Variants in ADCYAP1R1 observed in about 807,000 individuals in gnomAD.
The protein encoded by ADCYAP1R1 is pituitary adenylate cyclase-activating polypeptide type I receptor.
In ADCYAP1R1, 44 loss-of-function variants were observed where a neutral mutation model predicts 67.6. The ratio of observed to expected loss-of-function variants is 0.65; its 90% CI spans 0.51 to 0.84. The LOEUF (loss-of-function observed/expected upper bound fraction) is 0.84, where lower values mean the gene tolerates loss of function less well. Ranked by LOEUF, ADCYAP1R1 falls within the 40% of genes least tolerant of loss-of-function variation. ADCYAP1R1 has a pLI of 0.00. For missense variants in ADCYAP1R1, 477 were observed against 587.9 expected, an observed-to-expected ratio of 0.81 and a Z score of 1.95; for synonymous variants, 222 against 219.6, an observed-to-expected ratio of 1.01 and a Z score of -0.10.
intron 1 of ADCYAP1R1, among the ~76,000 whole-genome samples, chr7:31,057,850 G>C (rs563890002): frequency 1.3e-5 from 2 of 152,320 alleles, no homozygotes; most frequent in East Asian, 3.9e-4. Flanking sequence ...GGGTAGGCGA[G>C]TGATGTACTT....
At chr7:31,071,997 A>G (rs1037297852) in intron 3 of ADCYAP1R1, among the ~76,000 whole-genome samples, 12 of 109,004 alleles carry the variant, frequency 1.1e-4, no homozygotes, top group African/African-American at 4.1e-4. Context: ...CCATCCATCC[A>G]TCCAGCCACC....
In ADCYAP1R1 at chr7:31,103,258, G is replaced by A; in HGVS notation, c.1068G>A (p.Leu356=). The A allele has an allele frequency of 6.2e-7, 1 of 1,614,120 alleles. No individual in the cohort carries two copies. The highest frequency in any genetic ancestry group is 8.5e-7 in the Non-Finnish European group (1 of 1,179,992). ...ACAGGCGACTGGCCCGGTCCACCCT[G>A]CTGCTCATCCCACTATTCGGAATCC... ...SIYLRLARST[L]LLIPLFGIHY... Residue 356 remains leucine (L), a synonymous_variant, in exon 14 of 16, where the codon CTG becomes CTA. Transcript: ENST00000304166.
chr7:31,100,162 G>T, intron 13 of ADCYAP1R1: 1 of 1,550,590 alleles, frequency 6.4e-7, no homozygotes, highest in Non-Finnish European at 8.7e-7. Flanking sequence ...AAGCCACAGC[G>T]GGCTCAGCAG....
Position 31,110,699 on chromosome 7 carries a change from G to A in ADCYAP1R1, c.*4015G>A, listed in dbSNP as rs968614149. The A allele has an allele frequency of 2.0e-5, 3 of 152,776 alleles. No individual in the cohort carries two copies. Among genetic ancestry groups the A allele is most frequent in the Admixed American group, 2.0e-4 (3 of 15,286 alleles). 9.5% of individuals were successfully genotyped at this position (152,776 alleles called of 1,614,324 possible). On this transcript the variant is annotated 3_prime_UTR_variant, in exon 16 of 16. Coordinates refer to ENST00000304166, the MANE Select transcript of ADCYAP1R1 (RefSeq NM_001118.5). The stretch of plus-strand genomic sequence containing the variant: ...CAATGGAGTCAGTGTGGTGTGGGGA[G>A]ACCTACTTTTTAACCTGGGCTTAGC...
At chr7:31,091,887 AATT>A (rs1355147126) in intron 12 of ADCYAP1R1, among the ~76,000 whole-genome samples, 1 of 151,772 alleles carries the variant, frequency 6.6e-6, no homozygotes, top group Non-Finnish European at 1.5e-5. Flanking sequence ...AATTTTTTAT[AATT>A]ATTAATTTCT....
chr7:31,062,731 T>C (rs1794559589), intron 1 of ADCYAP1R1, among the ~76,000 whole-genome samples: 1 of 152,114 alleles, frequency 6.6e-6, no homozygotes, highest in African/African-American at 2.4e-5. Flanking sequence ...GCACAGAGGG[T>C]GCAGATGGGA....
intron 13 of ADCYAP1R1, among the ~76,000 whole-genome samples, chr7:31,097,484 G>A (rs192501360): frequency 8.8e-4 from 134 of 152,222 alleles, no homozygotes; most frequent in African/African-American, 3.2e-3. Context: ...TTTGGGGAAA[G>A]CCTTTTCTTT....
Position 31,063,145 on chromosome 7 carries a change from C to T in ADCYAP1R1, c.-71-49C>T, listed in dbSNP as rs201305009. On this transcript the variant is annotated intron_variant, in intron 1 of 15. Coordinates refer to ENST00000304166, the MANE Select transcript of ADCYAP1R1 (RefSeq NM_001118.5). ...TAAGGAAGGGAGGTGGTCTTGCCCC[C>T]GGCCACTGCACTGGGCTCACAGGAT... 3.4e-5 allele frequency: 42 copies of T among 1,226,820 alleles called. 2 individuals are homozygous for T. The highest frequency in any genetic ancestry group is 2.4e-4 in the Middle Eastern group (1 of 4,102). The allele number at this position is 1,226,820 out of a possible 1,614,324, so 76.0% of individuals were successfully genotyped here.
In ADCYAP1R1 at chr7:31,064,922, A is replaced by T; in HGVS notation, c.143A>T (p.Asn48Ile). 1 of 1,609,680 alleles carries T rather than the reference A, an allele frequency of 6.2e-7. No individual in the cohort carries two copies. Among genetic ancestry groups the T allele is most frequent in the Non-Finnish European group, 8.5e-7 (1 of 1,177,694 alleles). Reference sequence around the variant, plus strand: ...AGGGCCAATGAGCTGATGGGCTTCAATGATTCCTCTCCAGGTGAGCGGGGC... The same window carrying T: ...AGGGCCAATGAGCTGATGGGCTTCATTGATTCCTCTCCAGGTGAGCGGGGC... ...IQRANELMGF[N>I]DSSPGCPGMW... Residue 48 changes from asparagine (N) to isoleucine (I), a missense_variant, in exon 3 of 16, where the codon AAT becomes ATT. Transcript: ENST00000304166.
chr7:31,069,821 G>A (rs78344525), intron 3 of ADCYAP1R1, among the ~76,000 whole-genome samples: 8,104 of 152,284 alleles, frequency 0.053, 319 homozygotes, highest in South Asian at 0.09. Flanking sequence ...AGAGGTGGCC[G>A]TGGGGAGTGA....
At position 31,102,204 on chromosome 7, in the gene ADCYAP1R1, A is replaced by G. The variant is rs977217295; in HGVS notation, c.1047-1033A>G. 6.6e-6 allele frequency among the ~76,000 whole-genome samples: 1 copy of G among 151,994 alleles called. No homozygotes were observed. The highest frequency in any genetic ancestry group is 2.4e-5 in the African/African-American group (1 of 41,402). On this transcript the variant is annotated intron_variant, in intron 13 of 15. Transcript: ENST00000304166. The surrounding 1 kb of genome is among the most constrained non-coding windows in gnomAD (Gnocchi z 4.3). ...AACGACTGCCTCATGCCTGCTGTCC[A>G]CCCCGGGGGACTTAGCTGTGCTGGG...
In ADCYAP1R1 at chr7:31,086,863, C is replaced by T; in HGVS notation, c.824-80C>T. Reference sequence around the variant, plus strand: ...AAGTCTCATGGGGGAGCAATAGCCTCTCGGAGCCCCAGGTCTACGGTGGAC... The same window carrying T: ...AAGTCTCATGGGGGAGCAATAGCCTTTCGGAGCCCCAGGTCTACGGTGGAC... On this transcript the variant is annotated intron_variant, in intron 10 of 15. Coordinates refer to ENST00000304166, the MANE Select transcript of ADCYAP1R1 (RefSeq NM_001118.5). This position sits in a 1 kb window ranked among gnomAD's most constrained non-coding sequence, Gnocchi z 5.0. 1 of 1,465,976 alleles carries T rather than the reference C, an allele frequency of 6.8e-7. No individual in the cohort carries two copies. The highest frequency in any genetic ancestry group is 9.6e-7 in the Non-Finnish European group (1 of 1,046,400). The allele number at this position is 1,465,976 out of a possible 1,614,324, so 90.8% of individuals were successfully genotyped here.
chr7:31,061,869 A>G (rs1794517506), intron 1 of ADCYAP1R1, among the ~76,000 whole-genome samples: 2 of 152,014 alleles, frequency 1.3e-5, no homozygotes, highest in Admixed American at 1.3e-4. Flanking sequence ...GTTGGGATGC[A>G]CATGTAGGAT....
chr7:31,055,987 A>G (rs1794223492), intron 1 of ADCYAP1R1, among the ~76,000 whole-genome samples: 1 of 152,220 alleles, frequency 6.6e-6, no homozygotes, highest in South Asian at 2.1e-4. Flanking sequence ...GACTGCTGTC[A>G]CTTGAGCTTG....
chr7:31,098,552 G>A (rs567389044), intron 13 of ADCYAP1R1, among the ~76,000 whole-genome samples: 2 of 152,164 alleles, frequency 1.3e-5, no homozygotes, highest in African/African-American at 4.8e-5. Flanking sequence ...TCTGGGGACT[G>A]CAGTCTGAGT....
intron 5 of ADCYAP1R1, among the ~76,000 whole-genome samples, chr7:31,081,466 G>A (rs768893363): frequency 6.6e-5 from 10 of 152,154 alleles, no homozygotes; most frequent in Non-Finnish European, 1.5e-4. Flanking sequence ...ATTACCTGTG[G>A]TGGTGGAGAA....
At position 31,110,679 on chromosome 7, in the gene ADCYAP1R1, G is replaced by A. The variant is rs1796830145; in HGVS notation, c.*3995G>A. ...CAGGACTCTTGCAGGAGAAGCAATG[G>A]AGTCAGTGTGGTGTGGGGAGACCTA... On this transcript the variant is annotated 3_prime_UTR_variant, in exon 16 of 16. Coordinates refer to ENST00000304166, the MANE Select transcript of ADCYAP1R1 (RefSeq NM_001118.5). 6.5e-6 allele frequency: 1 copy of A among 152,882 alleles called. No homozygotes were observed. The highest frequency in any genetic ancestry group is 1.5e-5 in the Non-Finnish European group (1 of 68,084). 9.5% of individuals were successfully genotyped at this position (152,882 alleles called of 1,614,324 possible). A position where few individuals can be genotyped will look rare whatever the true frequency, so the allele number is the denominator to read the frequency against.
rs1794045219 is a variant in ADCYAP1R1, at chr7:31,052,376, T to C, written c.-374T>C. Reference sequence around the variant, plus strand: ...CCTCTCCCGCAGGACGGAGCCAAGCTGGACTGCCGCGCCGCGCGGGGCGGG... The same window carrying C: ...CCTCTCCCGCAGGACGGAGCCAAGCCGGACTGCCGCGCCGCGCGGGGCGGG... On this transcript the variant is annotated 5_prime_UTR_variant, in exon 1 of 16. Coordinates refer to ENST00000304166, the MANE Select transcript of ADCYAP1R1 (RefSeq NM_001118.5). 6.6e-6 allele frequency: 1 copy of C among 151,780 alleles called. No individual in the cohort carries two copies. Among genetic ancestry groups the C allele is most frequent in the Non-Finnish European group, 1.5e-5 (1 of 67,872 alleles). 9.4% of individuals were successfully genotyped at this position (151,780 alleles called of 1,614,324 possible).
At chr7:31,097,820 G>C (rs996068766) in intron 13 of ADCYAP1R1, among the ~76,000 whole-genome samples, 1 of 152,128 alleles carries the variant, frequency 6.6e-6, no homozygotes, top group Non-Finnish European at 1.5e-5. Flanking sequence ...CAGTTGGGGG[G>C]GGGTCTCCTG....
Sources: allele counts gnomAD v4.1 joint callset (sites outside exome capture counted in the v4.1 genomes callset), GRCh38; gene constraint gnomAD v4.1.1; non-coding constraint Gnocchi (gnomAD v3.1); transcripts MANE v1.5; gene names NCBI Gene and HGNC (gene_info 2026-07-23, HGNC 2026-07-21).